NID1: variants seen among roughly 807,000 people sequenced by gnomAD.
NID1 encodes the protein nidogen 1.
Under a neutral mutation model 130.6 loss-of-function variants are expected in NID1, and 76 were observed. That is an observed-to-expected ratio of 0.58 (90% confidence interval 0.48 to 0.70). The LOEUF (loss-of-function observed/expected upper bound fraction) is 0.70. Ranked by LOEUF, NID1 falls within the 30% of genes least tolerant of loss-of-function variation. NID1 has a pLI of 0.00. For synonymous variants in NID1, 665 were observed against 675.1 expected (o/e 0.98, Z 0.23); for missense variants, 1,517 against 1,664.8 (o/e 0.91, Z 1.54).
chr1:236,064,563 C>A, intron 1 of NID1: 1 of 376,616 alleles, frequency 2.7e-6, no homozygotes, highest in East Asian at 6.4e-5. Flanking sequence ...TGCGGCGATG[C>A]AGCCCACAGC....
rs2102828845 is a variant in NID1, at chr1:236,028,690, A to G, written c.1738+860T>C. Among the ~76,000 whole-genome samples the G allele has an allele frequency of 2.8e-5, 4 of 141,468 alleles. No homozygotes were observed. In the Middle Eastern group the frequency reaches 0.011, roughly 396 times the overall value. The allele number at this position is 141,468 out of a possible 152,430, so 92.8% of individuals were successfully genotyped here. ...TTATTCTCAAATGGTCAGTATACAT[A>G]TATATATATATATATATGGAGAGAC... is the stretch of plus-strand genomic sequence containing the variant. On this transcript the variant is annotated intron_variant, in intron 7 of 19. Transcript: ENST00000264187.
At chr1:236,064,491 G>A in intron 1 of NID1, 1 of 223,414 alleles carries the variant, frequency 4.5e-6, no homozygotes, top group Non-Finnish European at 8.8e-6. Flanking sequence ...GGCTCCACCC[G>A]GGACCGGCCA....
chr1:235,999,079 G>A (rs548957027), intron 12 of NID1, among the ~76,000 whole-genome samples: 1 of 152,336 alleles, frequency 6.6e-6, no homozygotes, highest in South Asian at 2.1e-4. Flanking sequence ...CAACAGCGAT[G>A]TACACACAGT....
chr1:236,047,997 G>C (rs1462800684), intron 2 of NID1, among the ~76,000 whole-genome samples: 1 of 119,624 alleles, frequency 8.4e-6, no homozygotes, highest in African/African-American at 3.4e-5. Flanking sequence ...CTGTACTCCA[G>C]CCTGGGCAAC....
At chr1:236,025,386 C>T (rs1021270804) in intron 8 of NID1, among the ~76,000 whole-genome samples, 1 of 151,806 alleles carries the variant, frequency 6.6e-6, no homozygotes, top group Non-Finnish European at 1.5e-5. Context: ...CTCAGCCTCC[C>T]AAGTAGCTGG....
At position 235,980,515 on chromosome 1, in the gene NID1, C is replaced by G. The variant is rs1657406742; in HGVS notation, c.3366G>C (p.Gln1122His). 1.2e-6 allele frequency: 2 copies of G among 1,614,168 alleles called. No individual in the cohort carries two copies. The highest frequency in any genetic ancestry group is 1.7e-6 in the Non-Finnish European group (2 of 1,180,016). ...NGLTFDAFSS[Q>H]LCWVDAGTNR... Reference sequence around the variant, plus strand: ...CATCACCTGCATCCACCCAGCAGAGCTGAGATGAGAACGCATCGAAGGTCA... The same window carrying G: ...CATCACCTGCATCCACCCAGCAGAGGTGAGATGAGAACGCATCGAAGGTCA... Residue 1122 changes from glutamine to histidine, a missense_variant, in exon 17 of 20, where the codon CAG becomes CAC. Physicochemically the swap from Gln to His is conservative, Grantham distance 24. This residue lies in a region of NID1 where 181 missense variants were observed against 211.3 expected (regional missense o/e 0.86). Coordinates refer to ENST00000264187, the MANE Select transcript of NID1 (RefSeq NM_002508.3).
intron 12 of NID1, among the ~76,000 whole-genome samples, chr1:236,004,578 C>T (rs1015313395): frequency 9.9e-5 from 15 of 151,666 alleles, no homozygotes; most frequent in African/African-American, 3.4e-4. Context: ...CTGGCTAACA[C>T]GGTGAAACCC....
intron 1 of NID1, among the ~76,000 whole-genome samples, chr1:236,062,391 T>G (rs1354072990): frequency 6.6e-6 from 1 of 152,130 alleles, no homozygotes; most frequent in Non-Finnish European, 1.5e-5. Flanking sequence ...TCCCAACACT[T>G]TGGGAGGCCA....
At chr1:236,031,365 G>T (rs1659094909) in intron 6 of NID1, among the ~76,000 whole-genome samples, 1 of 152,174 alleles carries the variant, frequency 6.6e-6, no homozygotes, top group Non-Finnish European at 1.5e-5. Flanking sequence ...TGATCCATGT[G>T]CCTCGGCCTC....
intron 12 of NID1, among the ~76,000 whole-genome samples, chr1:236,009,647 T>C (rs1658349617): frequency 6.6e-6 from 1 of 152,276 alleles, no homozygotes; most frequent in Admixed American, 6.5e-5. Flanking sequence ...TTATAATTTC[T>C]TTTGCTCAAC....
chr1:235,992,535 G>T (rs1286782407), intron 13 of NID1, among the ~76,000 whole-genome samples: 1 of 152,162 alleles, frequency 6.6e-6, no homozygotes, highest in Non-Finnish European at 1.5e-5. Context: ...CTTCTGGAAA[G>T]CCTCACCCAT....
Position 235,980,590 on chromosome 1 carries a change from G to A in NID1, c.3291C>T (p.Gly1097=). The A allele has an allele frequency of 6.2e-7, 1 of 1,614,202 alleles. No individual in the cohort carries two copies. The highest frequency in any genetic ancestry group is 1.7e-5 in the Admixed American group (1 of 60,020). The change falls in exon 17 of 20, where the codon GGC becomes GGT. Residue 1097 remains glycine, a synonymous_variant. Coordinates refer to ENST00000264187, the MANE Select transcript of NID1 (RefSeq NM_002508.3). ...NPKIETSYMD[G]TNRRILVQDD... is the part of the protein sequence containing the mutation. ...CCTGCACAAGGATCCTCCGGTTCGT[G>A]CCGTCCATGTAGGAAGTTTCAATCT...
chr1:235,981,311 A>G lies in NID1; in HGVS notation c.3227+300T>C, dbSNP rs556140301. 2.0e-5 allele frequency among the ~76,000 whole-genome samples: 3 copies of G among 152,356 alleles called. No homozygotes were observed. In the East Asian group the frequency reaches 5.8e-4, roughly 29 times the overall value. Reference sequence around the variant, plus strand: ...GCCCTGCTACTCTTCTGGAGTTGATATAACCTGAGTGTTGATCCACATTGA... The same window carrying G: ...GCCCTGCTACTCTTCTGGAGTTGATGTAACCTGAGTGTTGATCCACATTGA... On this transcript the variant is annotated intron_variant, in intron 16 of 19. Transcript: ENST00000264187.
rs201024490 is a variant in NID1 at position 236,042,225 on chromosome 1, C to A, written c.820G>T (p.Val274Leu). 4.3e-6 allele frequency: 7 copies of A among 1,612,074 alleles called. No homozygotes were observed. Among genetic ancestry groups the A allele is most frequent in the Non-Finnish European group, 5.9e-6 (7 of 1,180,028 alleles). The change falls in exon 4 of 20, where the codon GTG becomes TTG. Residue 274 changes from valine (V) to leucine (L), a missense_variant. Physicochemically the swap from Val to Leu is conservative, Grantham distance 32 (BLOSUM62 1). Transcript: ENST00000264187. ...CCGAGGATCACGTCTGCAGGCACCACGCCATTGGTGGTGGCTGGACTCCCA... is the reference window on the plus strand; with the variant it reads ...CCGAGGATCACGTCTGCAGGCACCAAGCCATTGGTGGTGGCTGGACTCCCA... ...EIGSPATTNG[V>L]VPADVILGTE...
chr1:236,036,680 A>C (rs1235052585), intron 5 of NID1, among the ~76,000 whole-genome samples: 1 of 152,244 alleles, frequency 6.6e-6, no homozygotes, highest in African/African-American at 2.4e-5. Flanking sequence ...TCTGCCCTGA[A>C]GAATGAATTA....
At chr1:236,014,028 C>G (rs1346768725) in intron 10 of NID1, among the ~76,000 whole-genome samples, 1 of 152,156 alleles carries the variant, frequency 6.6e-6, no homozygotes, top group Non-Finnish European at 1.5e-5. Context: ...GTGGAACATT[C>G]ACTACAAATG....
At chr1:236,029,841 G>T in intron 6 of NID1, 91 bp from the exon 7 acceptor site, 1 of 1,232,948 alleles carries the variant, frequency 8.1e-7, no homozygotes, top group Non-Finnish European at 1.2e-6. Flanking sequence ...GGGTTGGTGC[G>T]AACGCTTCTG....
intron 12 of NID1, among the ~76,000 whole-genome samples, chr1:236,003,698 C>T (rs1658153812): frequency 2.0e-5 from 3 of 152,028 alleles, no homozygotes; most frequent in Admixed American, 1.3e-4. Flanking sequence ...GGTGAAACCC[C>T]GTCTCTACTA....
chr1:236,040,301 C>T (rs1328813872), intron 4 of NID1, among the ~76,000 whole-genome samples: 3 of 152,128 alleles, frequency 2.0e-5, no homozygotes, highest in African/African-American at 7.2e-5. Context: ...AGACATGAGC[C>T]CCTGTCCTTG....
Sources: gnomAD v4.1 joint callset for allele counts (sites outside exome capture counted in the v4.1 genomes callset) on GRCh38, gnomAD v4.1.1 for gene constraint, gnomAD v4.1.1 regional missense constraint, MANE v1.5 for transcripts, NCBI Gene and HGNC (gene_info 2026-07-23, HGNC 2026-07-21) for gene names.